ANGPT1: variants seen among roughly 807,000 people sequenced by gnomAD.
The protein encoded by ANGPT1 is angiopoietin-1.
Under a neutral mutation model 62.2 loss-of-function variants are expected in ANGPT1, and 17 were observed. The ratio of observed to expected loss-of-function variants is 0.27; its 90% confidence interval spans 0.19 to 0.41. The LOEUF is 0.41. Ranked by LOEUF, ANGPT1 falls within the 10% of genes least tolerant of loss-of-function variation. The probability of loss-of-function intolerance (pLI) is 1.00; values close to 1 mark genes in which losing one functional copy is unlikely to be tolerated. For synonymous variants in ANGPT1, 199 were observed against 198.9 expected, an observed-to-expected ratio of 1.00 and a Z score of 0.00; for missense variants, 478 against 594.9, an observed-to-expected ratio of 0.80 and a Z score of 2.04.
Position 107,497,864 on chromosome 8 carries a change from G to T in ANGPT1, c.-306C>A. On this transcript the variant is annotated 5_prime_UTR_variant, in exon 1 of 9. The change creates a new upstream start codon in the 5' untranslated region. Coordinates refer to ENST00000517746, the MANE Select transcript of ANGPT1 (RefSeq NM_001146.5). ...TTCAGCATGGAGCCTGCCTGAGTCA[G>T]CTGCGTGTACATATTCTAGACCCTT... is the stretch of plus-strand genomic sequence containing the variant. 1 of 510,862 alleles carries T rather than the reference G, an allele frequency of 2.0e-6. No homozygotes were observed. Among genetic ancestry groups the T allele is most frequent in the Non-Finnish European group, 3.4e-6 (1 of 292,918 alleles). 31.6% of individuals were successfully genotyped at this position (510,862 alleles called of 1,614,324 possible).
chr8:107,366,324 C>T (rs184922947), intron 1 of ANGPT1, among the ~76,000 whole-genome samples: 18 of 152,178 alleles, frequency 1.2e-4, no homozygotes, highest in Admixed American at 2.6e-4. Flanking sequence ...TTTCTAATTC[C>T]TACTCATTCA....
At chr8:107,402,646 T>A (rs1050534313) in intron 1 of ANGPT1, among the ~76,000 whole-genome samples, 1 of 152,122 alleles carries the variant, frequency 6.6e-6, no homozygotes, top group African/African-American at 2.4e-5. Flanking sequence ...AAGTGACAAG[T>A]TAAGTCACTG....
chr8:107,497,216 A>G (rs1813126442), intron 1 of ANGPT1, 46 bp downstream of exon 1: 1 of 1,586,594 alleles, frequency 6.3e-7, no homozygotes, highest in African/African-American at 1.3e-5. Context: ...GCAGTGCAAG[A>G]AAGGAAAAAG....
At chr8:107,399,128 G>A (rs1460916211) in intron 1 of ANGPT1, among the ~76,000 whole-genome samples, 2 of 152,012 alleles carry the variant, frequency 1.3e-5, no homozygotes, top group Non-Finnish European at 2.9e-5. Flanking sequence ...GTATTACTAG[G>A]GGTCAATATT....
chr8:107,364,039 T>C (rs1435222308), intron 1 of ANGPT1, among the ~76,000 whole-genome samples: 3 of 152,148 alleles, frequency 2.0e-5, no homozygotes, highest in Non-Finnish European at 4.4e-5. Context: ...TACATCTATA[T>C]ACTACAGGCT....
intron 1 of ANGPT1, among the ~76,000 whole-genome samples, chr8:107,390,950 T>C (rs952327921): frequency 3.9e-5 from 6 of 152,120 alleles, no homozygotes; most frequent in South Asian, 4.1e-4. Context: ...AGAACTCCAT[T>C]ATTAAATAAC....
rs530230618 is a variant in ANGPT1 at position 107,470,641 on chromosome 8, T to C, written c.297+26621A>G. 8.5e-5 allele frequency among the ~76,000 whole-genome samples: 13 copies of C among 152,252 alleles called. No individual in the cohort carries two copies. In the East Asian group the frequency reaches 2.3e-3, roughly 27 times the overall value. ...GCAGAAGCTCTTTAGTTTAATTAGA[T>C]CCCATTTGTCAATTTTGGCTTTTGT... On this transcript the variant is annotated intron_variant, in intron 1 of 8. Transcript: ENST00000517746.
chr8:107,485,204 C>T (rs185239142), intron 1 of ANGPT1, among the ~76,000 whole-genome samples: 6 of 152,252 alleles, frequency 3.9e-5, no homozygotes, highest in Non-Finnish European at 7.4e-5. Context: ...CTGCAATGCC[C>T]GCACACCACA....
intron 4 of ANGPT1, 144 bp downstream of exon 4, chr8:107,321,752 T>C (rs1815154297): frequency 9.5e-6 from 6 of 632,826 alleles, no homozygotes; most frequent in Non-Finnish European, 1.6e-5. Context: ...ATTATCAACA[T>C]AACTTCATAA....
chr8:107,398,363 A>T (rs1202556212), intron 1 of ANGPT1, among the ~76,000 whole-genome samples: 1 of 152,140 alleles, frequency 6.6e-6, no homozygotes, highest in Non-Finnish European at 1.5e-5. Context: ...AATGTTAAAA[A>T]TCCATTTTAA....
intron 1 of ANGPT1, among the ~76,000 whole-genome samples, chr8:107,488,536 T>C (rs534551988): frequency 6.6e-6 from 1 of 152,318 alleles, no homozygotes; most frequent in South Asian, 2.1e-4. Context: ...TTATTTAAAA[T>C]TCATCAGTTC....
chr8:107,409,717 GC>G (rs1363204689), intron 1 of ANGPT1, among the ~76,000 whole-genome samples: 2 of 113,772 alleles, frequency 1.8e-5, no homozygotes, highest in Non-Finnish European at 4.3e-5. Flanking sequence ...TATGAAAAAT[GC>G]CTTTTTTTTT....
chr8:107,476,933 C>A (rs1445986277), intron 1 of ANGPT1, among the ~76,000 whole-genome samples: 2 of 151,964 alleles, frequency 1.3e-5, no homozygotes, highest in African/African-American at 4.8e-5. Context: ...CTTCTCCATC[C>A]TTTTATCTGC....
chr8:107,482,710 A>G (rs1333265111), intron 1 of ANGPT1, among the ~76,000 whole-genome samples: 2 of 152,232 alleles, frequency 1.3e-5, no homozygotes, highest in Admixed American at 1.3e-4. Context: ...TAAATTAAAA[A>G]AGAAATAACT....
intron 3 of ANGPT1, among the ~76,000 whole-genome samples, chr8:107,325,336 G>C (rs1815261834): frequency 6.6e-6 from 1 of 152,176 alleles, no homozygotes; most frequent in Non-Finnish European, 1.5e-5. Flanking sequence ...GTAATGATCA[G>C]AGGCAAGATG....
At chr8:107,310,219 G>GTTTTA (rs1484056046) in intron 4 of ANGPT1, among the ~76,000 whole-genome samples, 1 of 152,066 alleles carries the variant, frequency 6.6e-6, no homozygotes, top group Admixed American at 6.5e-5. Context: ...TGCCAAGTAT[G>GTTTTA]TTTTACATGC....
chr8:107,419,420 G>A (rs1280311752), intron 1 of ANGPT1, among the ~76,000 whole-genome samples: 1 of 152,112 alleles, frequency 6.6e-6, no homozygotes, highest in East Asian at 1.9e-4. Flanking sequence ...TGCATAAACA[G>A]GTTTTGCTAG....
chr8:107,492,917 C>A (rs1405482606), intron 1 of ANGPT1, among the ~76,000 whole-genome samples: 2 of 150,142 alleles, frequency 1.3e-5, no homozygotes, highest in African/African-American at 4.9e-5. Context: ...GTAAATGGCT[C>A]CCTACTGTAC....
intron 1 of ANGPT1, among the ~76,000 whole-genome samples, chr8:107,439,912 A>G (rs957053146): frequency 2.6e-5 from 4 of 152,328 alleles, no homozygotes; most frequent in Middle Eastern, 3.4e-3. Flanking sequence ...AGTAGGAATC[A>G]GTAGACTCGG....
Sources: allele counts gnomAD v4.1 joint callset (sites outside exome capture counted in the v4.1 genomes callset), GRCh38; gene constraint gnomAD v4.1.1; transcripts MANE v1.5; gene names NCBI Gene and HGNC (gene_info 2026-07-23, HGNC 2026-07-21).